Variants in FAM227B observed in about 807,000 individuals in gnomAD.
FAM227B encodes protein FAM227B.
A neutral mutation model predicts 73.8 loss-of-function variants in FAM227B; 88 were observed. The observed-to-expected ratio is 1.19, with a 90% CI of 1.00 to 1.42. The LOEUF (loss-of-function observed/expected upper bound fraction) is 1.42, where lower values mean the gene tolerates loss of function less well. FAM227B is among the 40% of genes most tolerant of loss of function. The pLI, the probability that FAM227B is intolerant of heterozygous loss-of-function variation, is 0.00. For synonymous variants in FAM227B, 210 were observed against 190.5 expected, an observed-to-expected ratio of 1.10 and a Z score of -0.84; for missense variants, 632 against 590.9, an observed-to-expected ratio of 1.07 and a Z score of -0.72.
At position 49,595,221 on chromosome 15, in the gene FAM227B, G is replaced by C. The variant is rs547170276; in HGVS notation, c.106-5214C>G. The stretch of plus-strand genomic sequence containing the variant: ...TAATTTAATTAATTGTAAAAGAGGT[G>C]GAGTTCCTGATTTGATTCTCAGCTT... On this transcript the variant is annotated intron_variant, in intron 3 of 15. Transcript: ENST00000299338. Among the ~76,000 whole-genome samples, 133 of 151,976 alleles carry C rather than the reference G, an allele frequency of 8.8e-4. 5 individuals carry two copies. The South Asian group carries it at 0.026, about 30-fold the overall frequency.
chr15:49,599,398 T>C (rs1441065378), intron 3 of FAM227B, among the ~76,000 whole-genome samples: 1 of 152,064 alleles, frequency 6.6e-6, no homozygotes, highest in African/African-American at 2.4e-5. Context: ...ACAATTCAGT[T>C]TTGTTGATCA....
At chr15:49,340,403 G>GCCCCCCCCCCCCCCCCCCCCCCCC (rs373386438) in intron 13 of FAM227B, among the ~76,000 whole-genome samples, 1 of 94,380 alleles carries the variant, frequency 1.1e-5, no homozygotes, top group Non-Finnish European at 2.2e-5. Flanking sequence ...GCAGTGCCCC[G>GCCCCCCCCCCCCCCCCCCCCCCCC]CCCCCCCCCT....
chr15:49,339,484 C>A (rs890326363), intron 13 of FAM227B, among the ~76,000 whole-genome samples: 1 of 152,198 alleles, frequency 6.6e-6, no homozygotes, highest in African/African-American at 2.4e-5. Context: ...CTGCCTGTTC[C>A]TTCCTCTGGA....
intron 11 of FAM227B, among the ~76,000 whole-genome samples, chr15:49,442,889 T>C (rs1185671820): frequency 1.3e-5 from 2 of 151,708 alleles, no homozygotes; most frequent in African/African-American, 4.8e-5. Flanking sequence ...ACACCACTAA[T>C]GATTAGGTTG....
In FAM227B at chr15:49,367,560, A is replaced by T; in HGVS notation, c.1159T>A (p.Phe387Ile). ...AAAATCAATGGACTCTGACCTCCAAAATTGAAGAGAACACGATTAAACTCT... is the reference window on the plus strand; with the variant it reads ...AAAATCAATGGACTCTGACCTCCAATATTGAAGAGAACACGATTAAACTCT... Reference protein sequence around the residue: ...GPEFNRVLFNFGGQSPLILYY... With the variant: ...GPEFNRVLFNIGGQSPLILYY... Residue 387 changes from phenylalanine to isoleucine, a missense_variant, in exon 13 of 16, where the codon TTT becomes ATT. Physicochemically the swap from Phe to Ile is conservative, Grantham distance 21. Coordinates refer to ENST00000299338, the MANE Select transcript of FAM227B (RefSeq NM_152647.3). The T allele has an allele frequency of 6.2e-7, 1 of 1,604,314 alleles. No individual in the cohort carries two copies. The highest frequency in any genetic ancestry group is 8.5e-7 in the Non-Finnish European group (1 of 1,177,846).
intron 1 of FAM227B, among the ~76,000 whole-genome samples, chr15:49,618,024 T>G (rs915784386): frequency 6.6e-6 from 1 of 152,192 alleles, no homozygotes; most frequent in Non-Finnish European, 1.5e-5. Flanking sequence ...TGACATCTTG[T>G]CTTCCTCTCA....
intron 11 of FAM227B, 44 bp downstream of exon 11, chr15:49,508,167 T>A (rs1358489433): frequency 1.3e-5 from 21 of 1,560,152 alleles, no homozygotes; most frequent in Non-Finnish European, 1.8e-5. Flanking sequence ...TTAATTGATT[T>A]TTGCTACCTA....
intron 10 of FAM227B, among the ~76,000 whole-genome samples, chr15:49,534,443 T>A (rs942298942): frequency 6.6e-6 from 1 of 151,886 alleles, no homozygotes; most frequent in East Asian, 1.9e-4. Context: ...AAAGTATATA[T>A]GCACCCAACA....
At chr15:49,571,998 T>C (rs1334685805) in intron 8 of FAM227B, among the ~76,000 whole-genome samples, 4 of 152,032 alleles carry the variant, frequency 2.6e-5, no homozygotes, top group Non-Finnish European at 5.9e-5. Flanking sequence ...TATCTTTCCA[T>C]TTATTTGTGT....
intron 10 of FAM227B, among the ~76,000 whole-genome samples, chr15:49,538,930 TG>T (rs2070662921): frequency 1.4e-5 from 1 of 70,354 alleles, no homozygotes; most frequent in African/African-American, 8.3e-5. Flanking sequence ...ATCAGGAAAT[TG>T]TTGAGTATCC....
chr15:49,490,819 G>T (rs986538997), intron 11 of FAM227B, among the ~76,000 whole-genome samples: 1 of 151,888 alleles, frequency 6.6e-6, no homozygotes. Flanking sequence ...ATACAACCAG[G>T]CTAGATGAGA....
chr15:49,424,281 C>G, intron 11 of FAM227B: 1 of 1,599,986 alleles, frequency 6.3e-7, no homozygotes, highest in African/African-American at 1.3e-5. Context: ...CATGAACACC[C>G]GGAGCACTAC....
At chr15:49,435,556 T>C (rs989096543) in intron 11 of FAM227B, among the ~76,000 whole-genome samples, 4 of 151,572 alleles carry the variant, frequency 2.6e-5, no homozygotes, top group Non-Finnish European at 5.9e-5. Flanking sequence ...AATAATGTGT[T>C]ATAAAATAAT....
At chr15:49,497,524 C>T (rs889027946) in intron 11 of FAM227B, among the ~76,000 whole-genome samples, 20 of 152,260 alleles carry the variant, frequency 1.3e-4, no homozygotes, top group Non-Finnish European at 2.2e-4. Context: ...TTGGGGGAGG[C>T]ACTCACTGAC....
At chr15:49,389,886 C>CT (rs1258607191) in intron 11 of FAM227B, among the ~76,000 whole-genome samples, 3 of 151,956 alleles carry the variant, frequency 2.0e-5, no homozygotes, top group African/African-American at 7.2e-5. Context: ...TTTGCCTTGT[C>CT]TTTATGCCCT....
At chr15:49,432,867 G>A (rs2050739729) in intron 11 of FAM227B, among the ~76,000 whole-genome samples, 1 of 151,508 alleles carries the variant, frequency 6.6e-6, no homozygotes, top group East Asian at 1.9e-4. Flanking sequence ...AACAAGAAAT[G>A]ATGCCCAACA....
intron 11 of FAM227B, among the ~76,000 whole-genome samples, chr15:49,451,726 C>G (rs890846284): frequency 6.6e-6 from 1 of 151,994 alleles, no homozygotes; most frequent in Non-Finnish European, 1.5e-5. Context: ...AAATTTGAAG[C>G]CTTTATTGGG....
chr15:49,352,868 C>A (rs2042451581), intron 13 of FAM227B, among the ~76,000 whole-genome samples: 1 of 152,152 alleles, frequency 6.6e-6, no homozygotes, highest in African/African-American at 2.4e-5. Context: ...CCCATAATAT[C>A]CTCCTGGAAT....
rs2076314357 is a variant in FAM227B, at chr15:49,588,546, ACTATATATATATATATATAT to A, written c.338-483_338-464del. Among the ~76,000 whole-genome samples the A allele has an allele frequency of 6.0e-4, 25 of 41,494 alleles. No individual in the cohort carries two copies. In the South Asian group the frequency reaches 0.019, roughly 32 times the overall value. 27.2% of individuals were successfully genotyped at this position (41,494 alleles called of 152,430 possible). ...AAGTTCTGATATCTACATATTGAGGACTATATATATATATATATATATATATATATATATATATATATATA... is the reference window on the plus strand; with the variant it reads ...AAGTTCTGATATCTACATATTGAGGAATATATATATATATATATATATATA... On this transcript the variant is annotated intron_variant, in intron 4 of 15. Transcript: ENST00000299338.
Sources: allele counts gnomAD v4.1 joint callset (sites outside exome capture counted in the v4.1 genomes callset), GRCh38; gene constraint gnomAD v4.1.1; transcripts MANE v1.5; gene names NCBI Gene and HGNC (gene_info 2026-07-23, HGNC 2026-07-21).